Variants in ISY1 observed in about 807,000 individuals in gnomAD.
The protein encoded by ISY1 is ISY1 spliceosome associated protein.
ISY1 carries 12 observed loss-of-function variants against 54.4 expected under a neutral mutation model. That is an observed-to-expected ratio of 0.22 (90% CI 0.14 to 0.36). The LOEUF is 0.36. ISY1 is among the 10% of genes least tolerant of loss of function. The pLI is 1.00. For missense variants in ISY1, 282 were observed against 342.2 expected, an observed-to-expected ratio of 0.82 and a Z score of 1.39; for synonymous variants, 96 against 117.9, an observed-to-expected ratio of 0.81 and a Z score of 1.20.
intron 9 of ISY1, among the ~76,000 whole-genome samples, chr3:129,133,487 A>T (rs1936294239): frequency 6.6e-6 from 1 of 152,180 alleles, no homozygotes; most frequent in Non-Finnish European, 1.5e-5. Flanking sequence ...CAAGGTCAGG[A>T]GTTCGAGACC....
intron 9 of ISY1, among the ~76,000 whole-genome samples, chr3:129,133,061 C>T (rs1293860924): frequency 2.6e-5 from 4 of 152,282 alleles, no homozygotes; most frequent in South Asian, 4.1e-4. Context: ...GCAGCAAGGA[C>T]TCCAAATATA....
intron 5 of ISY1, among the ~76,000 whole-genome samples, chr3:129,155,287 C>T (rs745404281): frequency 1.1e-4 from 16 of 151,590 alleles, no homozygotes; most frequent in Non-Finnish European, 2.2e-4. Flanking sequence ...CTCCGCCTCC[C>T]GGGTTCAAGC....
At chr3:129,132,319 C>T (rs923242683) in intron 9 of ISY1, among the ~76,000 whole-genome samples, 11 of 152,146 alleles carry the variant, frequency 7.2e-5, no homozygotes, top group Non-Finnish European at 1.3e-4. Context: ...CTCTTTGCAA[C>T]TTCCTGTATC....
intron 7 of ISY1, chr3:129,137,267 C>T: frequency 1.1e-5 from 11 of 976,674 alleles, no homozygotes; most frequent in Non-Finnish European, 1.3e-5. Context: ...TATCAGTTAC[C>T]TCTAGGAGGG....
chr3:129,158,621 C>T (rs1242353721), intron 2 of ISY1, 62 bp from the exon 3 acceptor site: 7 of 1,607,430 alleles, frequency 4.4e-6, no homozygotes, highest in Admixed American at 1.7e-5. Context: ...CTTCTCATTA[C>T]CCATGTTCCT....
intron 6 of ISY1, chr3:129,144,102 C>G (rs763542091): frequency 2.4e-6 from 1 of 418,880 alleles, no homozygotes; most frequent in South Asian, 1.7e-5. Context: ...TAATGAGCTG[C>G]TTTTAAGCTG....
At chr3:129,133,887 G>A (rs1379801495) in intron 9 of ISY1, among the ~76,000 whole-genome samples, 187 bp downstream of exon 9, 1 of 152,172 alleles carries the variant, frequency 6.6e-6, no homozygotes, top group Non-Finnish European at 1.5e-5. Context: ...GGCCGGCAGG[G>A]CACTCTCATG....
rs757081227 is a variant in ISY1 at position 129,134,821 on chromosome 3, C to T, written c.541+11G>A. 6.2e-7 allele frequency: 1 copy of T among 1,601,456 alleles called. No homozygotes were observed. Among genetic ancestry groups the T allele is most frequent in the Non-Finnish European group, 8.5e-7 (1 of 1,172,504 alleles). On this transcript the variant is annotated intron_variant, in intron 8 of 10. Coordinates refer to ENST00000393295, the MANE Select transcript of ISY1 (RefSeq NM_020701.4). ...GCCATCTATTATGAAATAAAATGCC[C>T]AGAGACCTACGTTTCTTTTCATATT... is the stretch of plus-strand genomic sequence containing the variant.
chr3:129,134,941 GGGA>G lies in ISY1; in HGVS notation c.429_431del (p.Pro144del), dbSNP rs1260372077. The G allele has an allele frequency of 6.2e-7, 1 of 1,607,554 alleles. No homozygotes were observed. The highest frequency in any genetic ancestry group is 8.5e-7 in the Non-Finnish European group (1 of 1,176,334). The stretch of plus-strand genomic sequence containing the variant: ...TCATGAGCTCAGCACGTGTCTTTCT[GGGA>G]GGAGGAAGAGCTATAAGAAACAGAA... On this transcript the variant is annotated inframe_deletion, in exon 8 of 11. Coordinates refer to ENST00000393295, the MANE Select transcript of ISY1 (RefSeq NM_020701.4).
intron 9 of ISY1, among the ~76,000 whole-genome samples, chr3:129,133,042 C>A (rs1199456969): frequency 1.3e-5 from 2 of 152,178 alleles, no homozygotes; most frequent in Non-Finnish European, 1.5e-5. Flanking sequence ...TCCACCTAGA[C>A]CTGTGCAGGC....
intron 6 of ISY1, among the ~76,000 whole-genome samples, 179 bp from the exon 7 acceptor site, chr3:129,140,664 G>C (rs1233224666): frequency 6.6e-6 from 1 of 152,036 alleles, no homozygotes; most frequent in East Asian, 1.9e-4. Context: ...TCCACCTCCT[G>C]GGTTCAAGTG....
At position 129,134,069 on chromosome 3, in the gene ISY1, A is replaced by G. The variant is rs1269749556; in HGVS notation, c.663+5T>C. 6.2e-7 allele frequency: 1 copy of G among 1,614,008 alleles called. No homozygotes were observed. The highest frequency in any genetic ancestry group is 8.5e-7 in the Non-Finnish European group (1 of 1,179,992). ...GTGAGTGCCAGAGGGGGCCAACCCC[A>G]ATACCTCCTCCTCGGTGACTGCATA... On this transcript the variant is annotated splice_donor_5th_base_variant and intron_variant, in intron 9 of 10. Transcript: ENST00000393295.
At chr3:129,148,271 A>G (rs1207667506) in intron 5 of ISY1, among the ~76,000 whole-genome samples, 2 of 152,228 alleles carry the variant, frequency 1.3e-5, no homozygotes, top group South Asian at 2.1e-4. Context: ...GTGTAACAGA[A>G]AAGTATTACA....
chr3:129,132,502 T>C (rs1936263786), intron 9 of ISY1, among the ~76,000 whole-genome samples: 1 of 152,176 alleles, frequency 6.6e-6, no homozygotes, highest in Non-Finnish European at 1.5e-5. Flanking sequence ...CAGCACATGA[T>C]GCGCCCCTGC....
intron 9 of ISY1, among the ~76,000 whole-genome samples, chr3:129,133,262 T>A (rs1223514555): frequency 6.6e-6 from 1 of 152,220 alleles, no homozygotes; most frequent in South Asian, 2.1e-4. Context: ...CTAAGATATA[T>A]AATGAGTATT....
intron 2 of ISY1, 89 bp downstream of exon 2, chr3:129,159,065 C>T: frequency 6.6e-7 from 1 of 1,504,930 alleles, no homozygotes; most frequent in Non-Finnish European, 9.1e-7. Context: ...TCAAAAGGCT[C>T]AGATACCAAA....
intron 8 of ISY1, among the ~76,000 whole-genome samples, chr3:129,134,407 G>A (rs1488817635): frequency 2.0e-5 from 3 of 152,144 alleles, no homozygotes; most frequent in African/African-American, 4.8e-5. Context: ...GCTTTTTAGG[G>A]AACATTCCCA....
rs766221592 is a variant in ISY1, at chr3:129,136,109, C to CT, written c.419-1156dup. ...TACAATCCAGAATATTTAAGTAATT[C>CT]TTTTTTTTTTTTGAGATGGAATTTC... On this transcript the variant is annotated intron_variant, in intron 7 of 10. Transcript: ENST00000393295. 5.4e-3 allele frequency among the ~76,000 whole-genome samples: 784 copies of CT among 145,416 alleles called. 5 individuals carry two copies. Among genetic ancestry groups the CT allele is most frequent in the Non-Finnish European group, 8.4e-3 (550 of 65,670 alleles).
At chr3:129,147,750 A>C (rs912248776) in intron 5 of ISY1, among the ~76,000 whole-genome samples, 3 of 152,164 alleles carry the variant, frequency 2.0e-5, no homozygotes, top group Non-Finnish European at 2.9e-5. Flanking sequence ...CATCGCCCCA[A>C]AACATTCCCT....
Sources: gnomAD v4.1 joint callset for allele counts (sites outside exome capture counted in the v4.1 genomes callset) on GRCh38, gnomAD v4.1.1 for gene constraint, MANE v1.5 for transcripts, NCBI Gene and HGNC (gene_info 2026-07-23, HGNC 2026-07-21) for gene names.